Variants in USP9Y observed in about 807,000 individuals in gnomAD.
USP9Y encodes the protein ubiquitin specific peptidase 9 Y-linked, also known as ubiquitin carboxyl-terminal hydrolase 9Y.
In USP9Y, 41 loss-of-function variants were observed where a neutral mutation model predicts 53.1. That is an observed-to-expected ratio of 0.77 (90% confidence interval 0.60 to 1.00). USP9Y has a LOEUF of 1.00. Among genes scored for constraint, USP9Y ranks in the 50% least tolerant of loss-of-function variants. The pLI is 0.00. For synonymous variants in USP9Y, 220 were observed against 173.7 expected (o/e 1.27, Z -2.09); for missense variants, 567 against 535.8 (o/e 1.06, Z -0.58).
intron 3 of USP9Y, among the ~76,000 whole-genome samples, chrY:12,719,648 A>T: frequency 9.0e-5 from 3 of 33,333 alleles, no homozygotes; most frequent in African/African-American, 3.5e-4. Flanking sequence ...TTAGTTAGTC[A>T]TTACTTCAGT....
At chrY:12,729,823 G>A (rs2148281047) in intron 7 of USP9Y, among the ~76,000 whole-genome samples, 2 of 33,743 alleles carry the variant, frequency 5.9e-5, no homozygotes, top group East Asian at 7.7e-4. Flanking sequence ...TGTTTTGTTT[G>A]TTATGTAATG....
At chrY:12,773,157 T>A in intron 16 of USP9Y, among the ~76,000 whole-genome samples, 1 of 33,670 alleles carries the variant, frequency 3.0e-5, no homozygotes, top group Non-Finnish European at 7.4e-5. Context: ...TAGTTATGAG[T>A]GCAATATTTT....
intron 32 of USP9Y, 57 bp downstream of exon 32, chrY:12,816,401 C>A: frequency 3.5e-6 from 1 of 289,222 alleles, no homozygotes; most frequent in Non-Finnish European, 5.3e-6. Context: ...GTTGTTCTCC[C>A]TCAGATTACT....
At chrY:12,727,869 G>GT (rs2053444110) in intron 7 of USP9Y, among the ~76,000 whole-genome samples, 2 of 33,259 alleles carry the variant, frequency 6.0e-5, no homozygotes. Context: ...GCTTTTTCTT[G>GT]TGTTACCTCC....
Position 12,736,020 on chromosome Y carries a change from T to C in USP9Y, c.796T>C (p.Phe266Leu). The C allele has an allele frequency of 2.5e-6, 1 of 397,779 alleles. No individual in the cohort carries two copies. Among genetic ancestry groups the C allele is most frequent in the Non-Finnish European group, 3.5e-6 (1 of 283,065 alleles). ...LIKPFGQCYE[F>L]LSQHTLKKYF... ...CAGACCATTTGGACAATGCTATGAGTTTCTCAGTCAACATACACTGAAAAA... is the reference window on the plus strand; with the variant it reads ...CAGACCATTTGGACAATGCTATGAGCTTCTCAGTCAACATACACTGAAAAA... Residue 266 changes from phenylalanine (F) to leucine (L), a missense_variant, in exon 9 of 46, where the codon TTT becomes CTT. Phe to Leu is a conservative substitution (Grantham distance 22). Transcript: ENST00000338981.
In USP9Y at chrY:12,726,775, A is replaced by G. The variant is rs2053443047; in HGVS notation, c.639A>G (p.Ser213=). 1 of 396,183 alleles carries G rather than the reference A, an allele frequency of 2.5e-6. No individual in the cohort carries two copies. Among genetic ancestry groups the G allele is most frequent in the Admixed American group, 7.5e-5 (1 of 13,256 alleles). The change falls in exon 7 of 46, where the codon TCA becomes TCG. Residue 213 remains serine (S), a synonymous_variant. Coordinates refer to ENST00000338981, the MANE Select transcript of USP9Y (RefSeq NM_004654.4). Reference sequence around the variant, plus strand: ...AAGATGAATTATTTGCTCGTTCTTCAGATCCTCGATCACCAAAAGTGCGTT... The same window carrying G: ...AAGATGAATTATTTGCTCGTTCTTCGGATCCTCGATCACCAAAAGTGCGTT... ...LPEDELFARS[S]DPRSPKGWLV...
chrY:12,842,226 T>A lies in USP9Y; in HGVS notation c.6213-14T>A. 2.6e-6 allele frequency: 1 copy of A among 391,433 alleles called. No individual in the cohort carries two copies. On this transcript the variant is annotated splice_polypyrimidine_tract_variant and intron_variant, in intron 37 of 45. Transcript: ENST00000338981. ...ATCACTAAAATTTGACGTTCATAGATGTTTCTGTTTTAGGTATGATGCACT... is the reference window on the plus strand; with the variant it reads ...ATCACTAAAATTTGACGTTCATAGAAGTTTCTGTTTTAGGTATGATGCACT...
intron 39 of USP9Y, among the ~76,000 whole-genome samples, chrY:12,845,360 G>A (rs1051432959): frequency 2.1e-4 from 7 of 33,140 alleles, no homozygotes; most frequent in Admixed American, 2.8e-4. Flanking sequence ...TTGAGAAAGC[G>A]GAGCAGGAAA....
chrY:12,771,084 T>C lies in USP9Y; in HGVS notation c.1917T>C (p.Asp639=), dbSNP rs759302664. 1 of 396,419 alleles carries C rather than the reference T, an allele frequency of 2.5e-6. No individual in the cohort carries two copies. Among genetic ancestry groups the C allele is most frequent in the Non-Finnish European group, 3.5e-6 (1 of 281,808 alleles). ...RLYAGDHEDY[D]PQTVRLGSRY... ...TATTTGCAGATCATGAAGACTATGA[T>C]CCACAAACAGTGAGGCTTGGAAGTC... The change falls in exon 16 of 46, where the codon GAT becomes GAC. Residue 639 remains aspartate, a synonymous_variant. Transcript: ENST00000338981.
intron 16 of USP9Y, among the ~76,000 whole-genome samples, chrY:12,773,243 A>G (rs1193929238): frequency 3.0e-5 from 1 of 33,425 alleles, no homozygotes; most frequent in African/African-American, 1.2e-4. Flanking sequence ...TTAGTGTAAT[A>G]ACCTTATTTT....
chrY:12,758,385 C>T, intron 13 of USP9Y, 121 bp from the exon 14 acceptor site: 1 of 151,892 alleles, frequency 6.6e-6, no homozygotes, highest in Non-Finnish European at 1.2e-5. Flanking sequence ...ACAATTACAT[C>T]ATAAATTTGG....
chrY:12,813,871 C>A (rs2053533513), intron 31 of USP9Y, among the ~76,000 whole-genome samples: 1 of 33,915 alleles, frequency 2.9e-5, no homozygotes. Context: ...GTCTGGAATG[C>A]GATGGCGCCA....
intron 25 of USP9Y, 71 bp from the exon 26 acceptor site, chrY:12,791,428 A>G: frequency 3.0e-6 from 1 of 337,838 alleles, no homozygotes; most frequent in Non-Finnish European, 4.2e-6. Flanking sequence ...ACTAAGAGAA[A>G]TATTTTGTTT....
intron 12 of USP9Y, among the ~76,000 whole-genome samples, chrY:12,744,499 A>G: frequency 3.0e-5 from 1 of 33,405 alleles, no homozygotes; most frequent in Admixed American, 2.8e-4. Flanking sequence ...CTTCTCCCTC[A>G]TTCCCTGCTT....
intron 22 of USP9Y, among the ~76,000 whole-genome samples, chrY:12,781,260 A>G: frequency 2.9e-5 from 1 of 33,995 alleles, no homozygotes; most frequent in African/African-American, 1.1e-4. Context: ...TAAATGTGCA[A>G]TGGCATTATA....
intron 34 of USP9Y, among the ~76,000 whole-genome samples, chrY:12,835,063 T>G (rs2053554105): frequency 3.0e-5 from 1 of 33,075 alleles, no homozygotes; most frequent in African/African-American, 1.2e-4. Context: ...TTTGTTCTGT[T>G]TTTTGAGATA....
intron 27 of USP9Y, among the ~76,000 whole-genome samples, chrY:12,796,285 G>A (rs942991381): frequency 3.0e-4 from 10 of 33,039 alleles, no homozygotes; most frequent in Non-Finnish European, 4.5e-4. Flanking sequence ...GGAATAGGCC[G>A]GGCACAGTGG....
chrY:12,800,748 C>T (rs1045769643), intron 27 of USP9Y, among the ~76,000 whole-genome samples: 3 of 33,911 alleles, frequency 8.8e-5, no homozygotes, highest in Non-Finnish European at 2.2e-4. Context: ...GATGTTTATA[C>T]TGGAACAGGA....
Position 12,840,213 on chromosome Y carries a change from C to G in USP9Y, c.5687C>G (p.Thr1896Arg). Reference protein sequence around the residue: ...IIQRNGKDDQTDHWYKFDDGD... With the variant: ...IIQRNGKDDQRDHWYKFDDGD... Reference sequence around the variant, plus strand: ...CAAAGGAATGGTAAAGATGATCAGACAGATCACTGGTATAAATTTGATGAT... The same window carrying G: ...CAAAGGAATGGTAAAGATGATCAGAGAGATCACTGGTATAAATTTGATGAT... Residue 1896 changes from threonine (T) to arginine (R), a missense_variant, in exon 36 of 46, where the codon ACA becomes AGA. Coordinates refer to ENST00000338981, the MANE Select transcript of USP9Y (RefSeq NM_004654.4). 2.5e-6 allele frequency: 1 copy of G among 398,225 alleles called. No individual in the cohort carries two copies. The highest frequency in any genetic ancestry group is 3.5e-6 in the Non-Finnish European group (1 of 283,350).
Sources: allele counts gnomAD v4.1 joint callset (sites outside exome capture counted in the v4.1 genomes callset), GRCh38; gene constraint gnomAD v4.1.1; transcripts MANE v1.5; gene names NCBI Gene and HGNC (gene_info 2026-07-23, HGNC 2026-07-21).